CDH13: variants seen among roughly 807,000 people sequenced by gnomAD.
CDH13 encodes cadherin-13.
In CDH13, 24 loss-of-function variants were observed where a neutral mutation model predicts 63.8. That is an observed-to-expected ratio of 0.38 (90% CI 0.27 to 0.53). The LOEUF is 0.53. Among genes scored for constraint, CDH13 ranks in the 20% least tolerant of loss-of-function variants. The probability of loss-of-function intolerance (pLI) is 0.85; values close to 1 mark genes in which losing one functional copy is unlikely to be tolerated. For missense variants in CDH13, 1,049 were observed against 903.1 expected, an observed-to-expected ratio of 1.16 and a Z score of -2.07; for synonymous variants, 503 against 355.3, an observed-to-expected ratio of 1.42 and a Z score of -4.67.
At chr16:83,790,527 G>A (rs557357179) in intron 13 of CDH13, among the ~76,000 whole-genome samples, 1 of 152,280 alleles carries the variant, frequency 6.6e-6, no homozygotes, top group East Asian at 1.9e-4. Context: ...AGCCTCCCGA[G>A]TGGCTGAGAC....
Position 82,704,999 on chromosome 16 carries a change from GTGAA to G in CDH13, c.45+77866_45+77869del, listed in dbSNP as rs1312049289. On this transcript the variant is annotated intron_variant, in intron 1 of 13. Transcript: ENST00000567109. Reference sequence around the variant, plus strand: ...CTCTTGCTGCTGCCTCATGAGGAAGGTGAATGACCATGCATTGCCACTGGACGGG... The same window carrying G: ...CTCTTGCTGCTGCCTCATGAGGAAGGTGACCATGCATTGCCACTGGACGGG... 3 of 374,984 alleles carry G rather than the reference GTGAA, an allele frequency of 8.0e-6. No homozygotes were observed. The East Asian group carries it at 2.2e-4, about 28-fold the overall frequency. The allele number at this position is 374,984 out of a possible 1,614,324, so 23.2% of individuals were successfully genotyped here. A position where few individuals can be genotyped will look rare whatever the true frequency, so the allele number is the denominator to read the frequency against.
chr16:82,738,018 G>C (rs1000209625), intron 1 of CDH13, among the ~76,000 whole-genome samples: 1 of 152,156 alleles, frequency 6.6e-6, no homozygotes, highest in Non-Finnish European at 1.5e-5. Context: ...ATGTTTAAGT[G>C]CACAATGCAG....
chr16:83,211,728 A>G lies in CDH13; in HGVS notation c.484-5617A>G, dbSNP rs903731885. 7.8e-4 allele frequency among the ~76,000 whole-genome samples: 118 copies of G among 151,724 alleles called. 2 individuals carry two copies. Among genetic ancestry groups the G allele is most frequent in the African/African-American group, 2.8e-3 (114 of 41,116 alleles). On this transcript the variant is annotated intron_variant, in intron 4 of 13. Coordinates refer to ENST00000567109, the MANE Select transcript of CDH13 (RefSeq NM_001257.5). The stretch of plus-strand genomic sequence containing the variant: ...CCCTGCCCCTGCCCGGATGCAGAAG[A>G]CACTGGTCCCAGCTATGCGACGCCC...
intron 2 of CDH13, among the ~76,000 whole-genome samples, chr16:82,936,571 G>GC (rs1319643441): frequency 3.9e-5 from 6 of 152,112 alleles, no homozygotes; most frequent in South Asian, 2.1e-4. Flanking sequence ...AAAACAGTAG[G>GC]CCCCCCACCT....
intron 1 of CDH13, among the ~76,000 whole-genome samples, chr16:82,804,739 C>G (rs1053443296): frequency 6.6e-6 from 1 of 152,074 alleles, no homozygotes; most frequent in African/African-American, 2.4e-5. Flanking sequence ...AACACTTTCC[C>G]CAAATAGGTA....
intron 10 of CDH13, among the ~76,000 whole-genome samples, chr16:83,722,739 G>A (rs910916819): frequency 6.6e-6 from 1 of 152,190 alleles, no homozygotes; most frequent in East Asian, 1.9e-4. Context: ...TCTTATTCAG[G>A]TTACAGTGCT....
intron 6 of CDH13, among the ~76,000 whole-genome samples, chr16:83,384,595 A>G (rs1243526582): frequency 6.6e-6 from 1 of 152,230 alleles, no homozygotes; most frequent in Non-Finnish European, 1.5e-5. Context: ...TGCCAAAGGC[A>G]TGGAGGAAGA....
chr16:82,930,443 A>G (rs957452317), intron 2 of CDH13, among the ~76,000 whole-genome samples: 4 of 139,992 alleles, frequency 2.9e-5, no homozygotes, highest in African/African-American at 1.1e-4. Context: ...TGTCTTAACT[A>G]TGGATTATAT....
chr16:83,083,520 G>C (rs780541799), intron 3 of CDH13, among the ~76,000 whole-genome samples: 1 of 152,180 alleles, frequency 6.6e-6, no homozygotes, highest in African/African-American at 2.4e-5. Context: ...GACATGCCCA[G>C]TATCACAGAG....
intron 2 of CDH13, among the ~76,000 whole-genome samples, chr16:82,964,538 G>C (rs904004348): frequency 1.3e-5 from 2 of 152,142 alleles, no homozygotes; most frequent in Non-Finnish European, 2.9e-5. Context: ...TAAAGGCCAT[G>C]GCTTGTTTCC....
At chr16:82,686,422 G>C (rs1052302647) in intron 1 of CDH13, among the ~76,000 whole-genome samples, 5 of 152,174 alleles carry the variant, frequency 3.3e-5, no homozygotes, top group Non-Finnish European at 7.3e-5. Context: ...AGCTTCCCTT[G>C]TGTGATTGGT....
At position 83,522,699 on chromosome 16, in the gene CDH13, C is replaced by T. The variant is rs558414553; in HGVS notation, c.960+36044C>T. Among the ~76,000 whole-genome samples, 14 of 152,244 alleles carry T rather than the reference C, an allele frequency of 9.2e-5. No homozygotes were observed. The East Asian group carries it at 2.7e-3, about 29-fold the overall frequency. ...GCAGGTGGGCGGCAGAGTTCACATCCCTGGGCCCTGTCGGGGTCTGGCCAT... is the reference window on the plus strand; with the variant it reads ...GCAGGTGGGCGGCAGAGTTCACATCTCTGGGCCCTGTCGGGGTCTGGCCAT... On this transcript the variant is annotated intron_variant, in intron 7 of 13. Transcript: ENST00000567109.
intron 11 of CDH13, among the ~76,000 whole-genome samples, chr16:83,758,373 G>T (rs1280765030): frequency 6.6e-6 from 1 of 151,898 alleles, no homozygotes; most frequent in Non-Finnish European, 1.5e-5. Flanking sequence ...ATCATCTCAA[G>T]AGTTGCATTT....
intron 1 of CDH13, among the ~76,000 whole-genome samples, chr16:82,795,425 C>T (rs1393225923): frequency 1.3e-5 from 2 of 152,116 alleles, no homozygotes; most frequent in African/African-American, 2.4e-5. Flanking sequence ...AACCTGGGCC[C>T]GGAGGGGTCG....
At chr16:83,720,732 G>A (rs1193951885) in intron 10 of CDH13, among the ~76,000 whole-genome samples, 1 of 152,186 alleles carries the variant, frequency 6.6e-6, no homozygotes, top group African/African-American at 2.4e-5. Flanking sequence ...AGAAAAGAGG[G>A]AATCCGACTC....
rs536473068 is a variant in CDH13 at position 82,946,528 on chromosome 16, C to T, written c.158-85482C>T. ...TGAGGCCAGGGAGTTCAAGACCAGCCTGGCCAAGATGGCAAAACCTCATCT... is the reference window on the plus strand; with the variant it reads ...TGAGGCCAGGGAGTTCAAGACCAGCTTGGCCAAGATGGCAAAACCTCATCT... On this transcript the variant is annotated intron_variant, in intron 2 of 13. Transcript: ENST00000567109. Among the ~76,000 whole-genome samples the T allele has an allele frequency of 3.3e-5, 5 of 152,150 alleles. No homozygotes were observed. In the South Asian group the frequency reaches 1.0e-3, roughly 32 times the overall value.
At chr16:83,032,290 G>C (rs1276020238) in intron 3 of CDH13, 72 bp downstream of exon 3, 10 of 1,149,878 alleles carry the variant, frequency 8.7e-6, no homozygotes, top group Non-Finnish European at 1.3e-5. Flanking sequence ...GTGGAAAATG[G>C]GTCTTTAATT....
chr16:83,711,118 A>G (rs426583), intron 10 of CDH13, among the ~76,000 whole-genome samples: 55,669 of 152,082 alleles, frequency 0.37, 10,606 homozygotes, highest in Middle Eastern at 0.56. Flanking sequence ...GTGGACAACT[A>G]AAGCTGTCCC....
chr16:82,635,060 C>G (rs1477044472), intron 1 of CDH13, among the ~76,000 whole-genome samples: 1 of 152,212 alleles, frequency 6.6e-6, no homozygotes, highest in African/African-American at 2.4e-5. Flanking sequence ...GAAAGCCCAG[C>G]TGTGTGAGGT....
Sources: allele counts gnomAD v4.1 joint callset (sites outside exome capture counted in the v4.1 genomes callset), GRCh38; gene constraint gnomAD v4.1.1; transcripts MANE v1.5; gene names NCBI Gene and HGNC (gene_info 2026-07-23, HGNC 2026-07-21).